The following PLCZ1 variants were observed in gnomAD, a reference collection of about 807,000 sequenced individuals.
The protein encoded by PLCZ1 is 1-phosphatidylinositol 4,5-bisphosphate phosphodiesterase zeta-1.
A neutral mutation model predicts 76.8 loss-of-function variants in PLCZ1; 64 were observed. That is an observed-to-expected ratio of 0.83 (90% confidence interval 0.68 to 1.03). The LOEUF (loss-of-function observed/expected upper bound fraction) is 1.03, where lower values mean the gene tolerates loss of function less well. Ranked by LOEUF, PLCZ1 falls within the 50% of genes least tolerant of loss-of-function variation. The pLI is 0.00. For missense variants in PLCZ1, 751 were observed against 713.7 expected, an observed-to-expected ratio of 1.05 and a Z score of -0.60; for synonymous variants, 248 against 230.8, an observed-to-expected ratio of 1.07 and a Z score of -0.68.
intron 3 of PLCZ1, among the ~76,000 whole-genome samples, chr12:18,725,530 G>C: frequency 6.6e-6 from 1 of 152,032 alleles, no homozygotes; most frequent in Non-Finnish European, 1.5e-5. Flanking sequence ...TATATATGCA[G>C]AAATCAATTC....
chr12:18,736,549 C>A, intron 2 of PLCZ1: 2 of 1,247,200 alleles, frequency 1.6e-6, no homozygotes, highest in Non-Finnish European at 2.1e-6. Context: ...AAGGGCATAG[C>A]ACAGTAAAAA....
intron 10 of PLCZ1, among the ~76,000 whole-genome samples, chr12:18,698,547 C>T (rs1482936648): frequency 6.6e-6 from 1 of 152,132 alleles, no homozygotes; most frequent in Non-Finnish European, 1.5e-5. Flanking sequence ...ATCCGCATTC[C>T]CAAACAGCCA....
intron 10 of PLCZ1, among the ~76,000 whole-genome samples, chr12:18,697,886 A>C (rs560801437): frequency 1.3e-5 from 2 of 151,858 alleles, no homozygotes; most frequent in South Asian, 4.2e-4. Context: ...ATTATTTACT[A>C]TAACTTTTGG....
chr12:18,687,070 G>A (rs184117718), intron 13 of PLCZ1, among the ~76,000 whole-genome samples: 9 of 152,154 alleles, frequency 5.9e-5, no homozygotes, highest in South Asian at 4.1e-4. Context: ...GGACACAGCC[G>A]TAGCAATGTG....
intron 3 of PLCZ1, among the ~76,000 whole-genome samples, chr12:18,729,766 G>T (rs1043619573): frequency 6.6e-6 from 1 of 151,970 alleles, no homozygotes. Flanking sequence ...GAGAATTGCT[G>T]CTCAAGCCAT....
At chr12:18,673,504 A>G in the PLCZ1 span, among the ~76,000 whole-genome samples, 1 of 152,206 alleles carries the variant, frequency 6.6e-6, no homozygotes, top group Non-Finnish European at 1.5e-5. Flanking sequence ...CAAACGAACA[A>G]GGCTAGAGAA....
intron 5 of PLCZ1, 44 bp downstream of exon 5, chr12:18,719,387 C>A (rs767008304): frequency 5.0e-6 from 6 of 1,192,940 alleles, no homozygotes; most frequent in Non-Finnish European, 6.7e-6. Flanking sequence ...CCAGGAACTT[C>A]CAAGTATTTT....
the PLCZ1 span, among the ~76,000 whole-genome samples, chr12:18,665,604 C>T: frequency 6.6e-6 from 1 of 152,050 alleles, no homozygotes; most frequent in Admixed American, 6.6e-5. Context: ...ACTAGCCTGA[C>T]CAACATAGTG....
the PLCZ1 span, among the ~76,000 whole-genome samples, chr12:18,663,656 A>G: frequency 6.6e-6 from 1 of 152,068 alleles, no homozygotes; most frequent in African/African-American, 2.4e-5. Context: ...AAAAAAAAAC[A>G]TAGGACAAAA....
intron 2 of PLCZ1, chr12:18,736,552 A>G: frequency 2.4e-6 from 3 of 1,260,448 alleles, no homozygotes; most frequent in South Asian, 3.0e-5. Flanking sequence ...GGCATAGCAC[A>G]GTAAAAATAC....
chr12:18,682,648 G>T (rs1452294778), downstream of PLCZ1, among the ~76,000 whole-genome samples: 2 of 151,958 alleles, frequency 1.3e-5, no homozygotes, highest in African/African-American at 2.4e-5. Flanking sequence ...CTCTTTTATA[G>T]ATACGGAGTC....
intron 5 of PLCZ1, among the ~76,000 whole-genome samples, chr12:18,714,051 G>T (rs921865532): frequency 6.6e-6 from 1 of 152,234 alleles, no homozygotes; most frequent in East Asian, 1.9e-4. Context: ...AGCAAATAGG[G>T]ATGTCTCAAA....
intron 2 of PLCZ1, chr12:18,736,690 C>T: frequency 7.7e-7 from 1 of 1,290,564 alleles, no homozygotes; most frequent in Non-Finnish European, 1.0e-6. Flanking sequence ...GATCGCCTCT[C>T]ACCTGACCTC....
At chr12:18,665,806 G>A in the PLCZ1 span, among the ~76,000 whole-genome samples, 17 of 151,702 alleles carry the variant, frequency 1.1e-4, no homozygotes, top group Non-Finnish European at 1.9e-4. Flanking sequence ...GTAGTGGTGC[G>A]CACCTGTAGT....
chr12:18,648,683 G>A, the PLCZ1 span, among the ~76,000 whole-genome samples: 4 of 151,846 alleles, frequency 2.6e-5, no homozygotes, highest in Admixed American at 1.3e-4. Flanking sequence ...GGTTATGCCT[G>A]GACTCCAAGA....
intron 5 of PLCZ1, among the ~76,000 whole-genome samples, chr12:18,713,363 C>G (rs1211489324): frequency 6.6e-6 from 1 of 151,996 alleles, no homozygotes; most frequent in Non-Finnish European, 1.5e-5. Flanking sequence ...CAATGCCATA[C>G]CATTCAAAAG....
chr12:18,669,767 C>T, the PLCZ1 span, among the ~76,000 whole-genome samples: 1 of 152,122 alleles, frequency 6.6e-6, no homozygotes, highest in East Asian at 1.9e-4. Context: ...AAGTGATTCT[C>T]CTGCCTCAGC....
At chr12:18,720,782 G>A (rs536857649) in intron 4 of PLCZ1, among the ~76,000 whole-genome samples, 3 of 152,020 alleles carry the variant, frequency 2.0e-5, no homozygotes, top group South Asian at 2.1e-4. Context: ...GCTCACATTA[G>A]CATTATTTAT....
At chr12:18,725,452 A>C (rs541802826) in intron 3 of PLCZ1, among the ~76,000 whole-genome samples, 171 of 152,256 alleles carry the variant, frequency 1.1e-3, no homozygotes, top group African/African-American at 3.9e-3. Context: ...ATTTTTAACT[A>C]ACTCTAAGAC....
Sources: gnomAD v4.1 joint callset for allele counts (sites outside exome capture counted in the v4.1 genomes callset) on GRCh38, gnomAD v4.1.1 for gene constraint, MANE v1.5 for transcripts, NCBI Gene and HGNC (gene_info 2026-07-23, HGNC 2026-07-21) for gene names.